The following BEND5 variants were observed in gnomAD, a reference collection of about 807,000 sequenced individuals.
BEND5 encodes BEN domain containing 5.
BEND5 carries 22 observed loss-of-function variants against 43.9 expected under a neutral mutation model. The observed-to-expected ratio is 0.50, with a 90% CI of 0.36 to 0.72. The LOEUF (loss-of-function observed/expected upper bound fraction) is 0.72, where lower values mean the gene tolerates loss of function less well. BEND5 is among the 30% of genes least tolerant of loss of function. BEND5 has a pLI of 0.00. For missense variants in BEND5, 428 were observed against 550.6 expected, an observed-to-expected ratio of 0.78 and a Z score of 2.23; for synonymous variants, 228 against 225.9, an observed-to-expected ratio of 1.01 and a Z score of -0.08.
At chr1:48,749,317 G>A (rs1407388030) in intron 3 of BEND5, among the ~76,000 whole-genome samples, 4 of 152,138 alleles carry the variant, frequency 2.6e-5, no homozygotes, top group Admixed American at 2.0e-4. Flanking sequence ...CATAAACACC[G>A]AGGGGATGTT....
intron 4 of BEND5, among the ~76,000 whole-genome samples, chr1:48,737,307 A>AAAAAGAAG (rs1367690494): frequency 3.3e-5 from 5 of 152,146 alleles, no homozygotes; most frequent in African/African-American, 1.2e-4. Context: ...AAAAAAAGAA[A>AAAAAGAAG]AGAAAAAAAA....
chr1:48,762,866 C>CTCAGCT (rs1644347537), intron 1 of BEND5, among the ~76,000 whole-genome samples: 1 of 152,012 alleles, frequency 6.6e-6, no homozygotes, highest in Non-Finnish European at 1.5e-5. Flanking sequence ...TAAGTGTGAA[C>CTCAGCT]CTCAGCTTTT....
chr1:48,775,356 A>G (rs998013311), intron 1 of BEND5, among the ~76,000 whole-genome samples: 7 of 152,090 alleles, frequency 4.6e-5, no homozygotes, highest in Non-Finnish European at 8.8e-5. Context: ...TTGCCATGAG[A>G]CCCTGGGCAA....
chr1:48,754,116 TA>T (rs1366184473), intron 3 of BEND5, among the ~76,000 whole-genome samples: 1 of 152,224 alleles, frequency 6.6e-6, no homozygotes, highest in Admixed American at 6.5e-5. Context: ...TTATACTGTC[TA>T]AGTGGTACTT....
chr1:48,774,361 G>T (rs1402894237), intron 1 of BEND5, among the ~76,000 whole-genome samples: 1 of 152,104 alleles, frequency 6.6e-6, no homozygotes, highest in Non-Finnish European at 1.5e-5. Flanking sequence ...GTTATTCCAG[G>T]GTAATGAATT....
intron 3 of BEND5, among the ~76,000 whole-genome samples, chr1:48,747,049 C>T (rs1177377838): frequency 1.3e-5 from 2 of 152,214 alleles, no homozygotes; most frequent in Non-Finnish European, 2.9e-5. Flanking sequence ...TGGCAATTTA[C>T]ATCTCATTAC....
In BEND5 at chr1:48,736,577, C is replaced by T; in HGVS notation, c.895-125G>A. The stretch of plus-strand genomic sequence containing the variant: ...ATTCATGTCATAAATATGAAATTAA[C>T]TCTCTTTAAGGGTAATCGTAATAGC... On this transcript the variant is annotated intron_variant, in intron 4 of 5. Coordinates refer to ENST00000371833, the MANE Select transcript of BEND5 (RefSeq NM_024603.4). The surrounding 1 kb of genome is among the most constrained non-coding windows in gnomAD (Gnocchi z 4.0). 1.2e-6 allele frequency: 1 copy of T among 810,350 alleles called. No individual in the cohort carries two copies. The highest frequency in any genetic ancestry group is 2.0e-6 in the Non-Finnish European group (1 of 505,962). The allele number at this position is 810,350 out of a possible 1,614,324, so 50.2% of individuals were successfully genotyped here. A position where few individuals can be genotyped will look rare whatever the true frequency, so the allele number is the denominator to read the frequency against.
At chr1:48,766,890 G>C (rs1359760358) in intron 1 of BEND5, among the ~76,000 whole-genome samples, 1 of 152,194 alleles carries the variant, frequency 6.6e-6, no homozygotes, top group Non-Finnish European at 1.5e-5. Context: ...ATGCTAAGTA[G>C]TCCTTGTGTT....
chr1:48,765,743 A>C (rs1644497024), intron 1 of BEND5, among the ~76,000 whole-genome samples: 1 of 152,246 alleles, frequency 6.6e-6, no homozygotes. Context: ...CATAAAAAGA[A>C]ATGATGTACT....
intron 1 of BEND5, among the ~76,000 whole-genome samples, chr1:48,764,588 A>C (rs1053272457): frequency 6.6e-6 from 1 of 152,202 alleles, no homozygotes; most frequent in African/African-American, 2.4e-5. Context: ...ACTAGAAAAT[A>C]AGTGGCCTTG....
chr1:48,749,273 C>T (rs1046579758), intron 3 of BEND5, among the ~76,000 whole-genome samples: 4 of 152,094 alleles, frequency 2.6e-5, no homozygotes, highest in African/African-American at 7.2e-5. Flanking sequence ...CCCACTGTCA[C>T]GTGATTGTTT....
chr1:48,765,709 C>T (rs1436240593), intron 1 of BEND5, among the ~76,000 whole-genome samples: 4 of 151,986 alleles, frequency 2.6e-5, no homozygotes, highest in Non-Finnish European at 5.9e-5. Context: ...TGTGGTATAC[C>T]CATACAACAG....
intron 3 of BEND5, among the ~76,000 whole-genome samples, chr1:48,756,319 C>T (rs998057769): frequency 6.6e-6 from 1 of 152,166 alleles, no homozygotes; most frequent in Non-Finnish European, 1.5e-5. Flanking sequence ...GTGGGTAATC[C>T]CCTCTGCTGT....
In BEND5 at chr1:48,736,491, C is replaced by A. The variant is rs773880500; in HGVS notation, c.895-39G>T. On this transcript the variant is annotated intron_variant, in intron 4 of 5. Coordinates refer to ENST00000371833, the MANE Select transcript of BEND5 (RefSeq NM_024603.4). The surrounding 1 kb of genome is among the most constrained non-coding windows in gnomAD (Gnocchi z 4.0). The stretch of plus-strand genomic sequence containing the variant: ...GAACACCAGCACCTGTTTAGTCCGA[C>A]AGGAGGGCAGTGGGAGGCTTCTCTT... The A allele has an allele frequency of 1.9e-6, 3 of 1,573,806 alleles. No homozygotes were observed. Among genetic ancestry groups the A allele is most frequent in the African/African-American group, 2.7e-5 (2 of 73,902 alleles).
rs1349756499 is a variant in BEND5, at chr1:48,744,065, C to A, written c.746-1294G>T. Among the ~76,000 whole-genome samples the A allele has an allele frequency of 2.0e-5, 3 of 152,176 alleles. No individual in the cohort carries two copies. The South Asian group carries it at 6.2e-4, about 32-fold the overall frequency. On this transcript the variant is annotated intron_variant, in intron 3 of 5. Transcript: ENST00000371833. The stretch of plus-strand genomic sequence containing the variant: ...AGATTTCAGGTCCCATTCCTGGCTA[C>A]ACTATATTTTAATTGTGTGACCACA...
At chr1:48,746,478 G>A (rs759016511) in intron 3 of BEND5, among the ~76,000 whole-genome samples, 2 of 152,158 alleles carry the variant, frequency 1.3e-5, no homozygotes, top group Non-Finnish European at 2.9e-5. Context: ...GGGACTGATA[G>A]ACTTCTGTCA....
chr1:48,760,177 AC>A (rs993737912), intron 2 of BEND5, among the ~76,000 whole-genome samples: 1 of 152,026 alleles, frequency 6.6e-6, no homozygotes, highest in African/African-American at 2.4e-5. Context: ...ATTATCCAGG[AC>A]CCCCTCCAGA....
chr1:48,771,120 T>C (rs2148692784), intron 1 of BEND5, among the ~76,000 whole-genome samples: 1 of 152,354 alleles, frequency 6.6e-6, no homozygotes, highest in South Asian at 2.1e-4. Context: ...TCTTCCTGCA[T>C]TTCCCTGGAG....
At position 48,727,949 on chromosome 1, in the gene BEND5, G is replaced by T. The variant is rs1647435082; in HGVS notation, c.1203C>A (p.Ile401=). Residue 401 remains isoleucine, a synonymous_variant, in exon 6 of 6, where the codon ATC becomes ATA. Transcript: ENST00000371833. ...TTTTACAGGATTTATTGATATCCAT[G>T]ATTTTTTCACAGATGTACTTGTTGA... is the stretch of plus-strand genomic sequence containing the variant. ...SKVNKYICEK[I]MDINKSCKNE... 6.2e-7 allele frequency: 1 copy of T among 1,611,530 alleles called. No homozygotes were observed. The highest frequency in any genetic ancestry group is 8.5e-7 in the Non-Finnish European group (1 of 1,178,000).
Sources: allele counts gnomAD v4.1 joint callset (sites outside exome capture counted in the v4.1 genomes callset), GRCh38; gene constraint gnomAD v4.1.1; non-coding constraint Gnocchi (gnomAD v3.1); transcripts MANE v1.5; gene names NCBI Gene and HGNC (gene_info 2026-07-23, HGNC 2026-07-21).